The following MYT1L variants were observed in gnomAD, a reference collection of about 807,000 sequenced individuals.
MYT1L encodes myelin transcription factor 1-like protein.
MYT1L carries 12 observed loss-of-function variants against 126.7 expected under a neutral mutation model. That is an observed-to-expected ratio of 0.09 (90% CI 0.06 to 0.15). The LOEUF is 0.15. Ranked by LOEUF, MYT1L falls within the 10% of genes least tolerant of loss-of-function variation. MYT1L has a pLI of 1.00. For missense variants in MYT1L, 979 were observed against 1,585.2 expected, an observed-to-expected ratio of 0.62 and a Z score of 6.49; for synonymous variants, 541 against 604.2, an observed-to-expected ratio of 0.90 and a Z score of 1.53.
rs189976379 is a variant in MYT1L at position 2,259,900 on chromosome 2, T to C, written c.-421+24504A>G. Among the ~76,000 whole-genome samples, 27 of 152,314 alleles carry C rather than the reference T, an allele frequency of 1.8e-4. No individual in the cohort carries two copies. The East Asian group carries it at 4.5e-3, about 25-fold the overall frequency. ...AGATGTGCACAGCACTGGCCAGGGG[T>C]TCTGTGAAGACACAGTAGCCTAATG... On this transcript the variant is annotated intron_variant, in intron 2 of 24. Transcript: ENST00000647738.
chr2:1,795,688 A>T (rs1312508248), intron 23 of MYT1L: 1 of 152,210 alleles, frequency 6.6e-6, no homozygotes, highest in Non-Finnish European at 1.5e-5. Context: ...CTGCATTTCC[A>T]GAAACATCGA....
In MYT1L at chr2:1,922,411, G is replaced by A. The variant is rs1345228986; in HGVS notation, c.1358C>T (p.Ala453Val). 2 of 1,613,888 alleles carry A rather than the reference G, an allele frequency of 1.2e-6. No homozygotes were observed. The highest frequency in any genetic ancestry group is 2.2e-5 in the East Asian group (1 of 44,874). ...ERAKAMREKM[A>V]MEAGRRDNMR... ...ATTGTCCCTCCTCCCAGCTTCCATG[G>A]CCATCTTCTCCCTCATGGCCTTTGC... Residue 453 changes from alanine (A) to valine (V), a missense_variant, in exon 10 of 25, where the codon GCC becomes GTC. Ala to Val is a moderately conservative substitution (Grantham distance 64). Transcript: ENST00000647738. This position sits in a 1 kb window ranked among gnomAD's most constrained non-coding sequence, Gnocchi z 7.4.
At chr2:1,968,777 G>T (rs2059585669) in intron 8 of MYT1L, among the ~76,000 whole-genome samples, 1 of 152,214 alleles carries the variant, frequency 6.6e-6, no homozygotes, top group Non-Finnish European at 1.5e-5. Context: ...TTTAGGCAGA[G>T]GCTGCACGGC....
rs186361420 is a variant in MYT1L at position 2,079,857 on chromosome 2, T to C, written c.-303-25734A>G. Among the ~76,000 whole-genome samples, 8 of 148,608 alleles carry C rather than the reference T, an allele frequency of 5.4e-5. No homozygotes were observed. The East Asian group carries it at 1.6e-3, about 29-fold the overall frequency. On this transcript the variant is annotated intron_variant, in intron 3 of 24. Transcript: ENST00000647738. ...GAAAATAAATCTTGAATAAAAAAAA[T>C]AGGTTTAGGAATTAGTCTTCTGGAT...
chr2:2,211,827 C>A (rs137896718), intron 2 of MYT1L, among the ~76,000 whole-genome samples: 2,173 of 135,548 alleles, frequency 0.016, 26 homozygotes, highest in Non-Finnish European at 0.025. Flanking sequence ...AAAAACCAAA[C>A]AAAAAAAAAA....
At chr2:2,145,439 T>A (rs2084740588) in intron 3 of MYT1L, among the ~76,000 whole-genome samples, 1 of 152,126 alleles carries the variant, frequency 6.6e-6, no homozygotes, top group African/African-American at 2.4e-5. Flanking sequence ...AATAGTCCTG[T>A]CTCCATGTCT....
intron 13 of MYT1L, among the ~76,000 whole-genome samples, chr2:1,909,557 T>C (rs1320591304): frequency 1.3e-5 from 2 of 152,188 alleles, no homozygotes; most frequent in Non-Finnish European, 2.9e-5. Flanking sequence ...GAAAGCTGTA[T>C]AGAAGGGCTG....
intron 4 of MYT1L, among the ~76,000 whole-genome samples, chr2:2,025,657 C>CGT (rs1251738812): frequency 1.3e-5 from 2 of 152,146 alleles, no homozygotes; most frequent in African/African-American, 2.4e-5. Context: ...TTCCTGAGCA[C>CGT]GTGTGGTGCA....
At chr2:2,181,183 C>A (rs780392185) in intron 2 of MYT1L, among the ~76,000 whole-genome samples, 1 of 149,956 alleles carries the variant, frequency 6.7e-6, no homozygotes, top group Non-Finnish European at 1.5e-5. Context: ...TGTATCTGTA[C>A]CTATGATCTA....
chr2:2,085,317 G>C (rs1464520723), intron 3 of MYT1L, among the ~76,000 whole-genome samples: 1 of 152,094 alleles, frequency 6.6e-6, no homozygotes, highest in Non-Finnish European at 1.5e-5. Context: ...CTAAGCAGTT[G>C]AGTACACCTG....
At chr2:1,878,790 T>A (rs1044468423) in intron 18 of MYT1L, among the ~76,000 whole-genome samples, 1 of 152,166 alleles carries the variant, frequency 6.6e-6, no homozygotes, top group Admixed American at 6.5e-5. Context: ...AAACATCAGG[T>A]AAGTGTGGGA....
chr2:2,047,666 G>A (rs1211331974), intron 4 of MYT1L, among the ~76,000 whole-genome samples: 2 of 152,112 alleles, frequency 1.3e-5, no homozygotes, highest in African/African-American at 4.8e-5. Flanking sequence ...CATTTAAGAA[G>A]GATGATTGAT....
chr2:1,930,158 C>G (rs1234400998), intron 9 of MYT1L, among the ~76,000 whole-genome samples: 3 of 152,192 alleles, frequency 2.0e-5, no homozygotes, highest in African/African-American at 7.2e-5. Flanking sequence ...AGAACTACAG[C>G]TGGGGATGGA....
At chr2:1,849,475 A>T (rs1412844054) in intron 19 of MYT1L, among the ~76,000 whole-genome samples, 2 of 152,186 alleles carry the variant, frequency 1.3e-5, no homozygotes, top group African/African-American at 4.8e-5. Context: ...CAATGTCATA[A>T]GCCCTCTGCT....
At chr2:2,060,071 G>A (rs1433440562) in intron 3 of MYT1L, among the ~76,000 whole-genome samples, 5 of 152,156 alleles carry the variant, frequency 3.3e-5, no homozygotes, top group South Asian at 2.1e-4. Context: ...AACCAAAGAC[G>A]AACTAAACTA....
chr2:2,282,532 G>T (rs550118203), intron 2 of MYT1L, among the ~76,000 whole-genome samples: 1 of 152,274 alleles, frequency 6.6e-6, no homozygotes, highest in South Asian at 2.1e-4. Flanking sequence ...TAAAGATAAT[G>T]CCCTTCTCAA....
chr2:2,217,688 C>CAAAAAAAAAAAAAAAAAAAAAAAAAAA (rs1192733884), intron 2 of MYT1L, among the ~76,000 whole-genome samples: 3 of 70,880 alleles, frequency 4.2e-5, no homozygotes, highest in African/African-American at 2.4e-4. Context: ...ACAACAACAA[C>CAAAAAAAAAAAAAAAAAAAAAAAAAAA]AACAACAACA....
In MYT1L at chr2:1,941,065, A is replaced by T. The variant is rs11903553; in HGVS notation, c.505+1917T>A. 6.2e-3 allele frequency among the ~76,000 whole-genome samples: 950 copies of T among 152,332 alleles called. 5 individuals carry two copies. The highest frequency in any genetic ancestry group is 0.022 in the African/African-American group (919 of 41,574). ...CTAAGTGTTCAAGTGAGAATAGACAAACCCTATGCAGTCACATTCTAAAGC... is the reference window on the plus strand; with the variant it reads ...CTAAGTGTTCAAGTGAGAATAGACATACCCTATGCAGTCACATTCTAAAGC... On this transcript the variant is annotated intron_variant, in intron 9 of 24. Coordinates refer to ENST00000647738, the MANE Select transcript of MYT1L (RefSeq NM_001303052.2).
chr2:2,307,718 C>T (rs937050522), intron 1 of MYT1L, among the ~76,000 whole-genome samples: 3 of 151,724 alleles, frequency 2.0e-5, no homozygotes, highest in African/African-American at 7.3e-5. Context: ...TGTTTCAGTA[C>T]ATTCTATCTA....
Sources: allele counts gnomAD v4.1 joint callset (sites outside exome capture counted in the v4.1 genomes callset), GRCh38; gene constraint gnomAD v4.1.1; non-coding constraint Gnocchi (gnomAD v3.1); transcripts MANE v1.5; gene names NCBI Gene and HGNC (gene_info 2026-07-23, HGNC 2026-07-21).